The following PGPEP1 variants were observed in gnomAD, a reference collection of about 807,000 sequenced individuals.
PGPEP1 encodes the protein pyroglutamyl-peptidase I.
PGPEP1 carries 15 observed loss-of-function variants against 24.1 expected under a neutral mutation model. That is an observed-to-expected ratio of 0.62 (90% confidence interval 0.42 to 0.96). PGPEP1 has a LOEUF of 0.96. Ranked by LOEUF, PGPEP1 falls within the 40% of genes least tolerant of loss-of-function variation. The probability of loss-of-function intolerance (pLI) is 0.00; values close to 1 mark genes in which losing one functional copy is unlikely to be tolerated. For synonymous variants in PGPEP1, 122 were observed against 116.4 expected (o/e 1.05, Z -0.31); for missense variants, 242 against 273.4 (o/e 0.89, Z 0.81).
At position 18,352,266 on chromosome 19, in the gene PGPEP1, C is replaced by CAAAAAAAAA. The variant is rs60299417; in HGVS notation, c.88-3616_88-3608dup. Among the ~76,000 whole-genome samples the CAAAAAAAAA allele has an allele frequency of 0.028, 1,224 of 43,570 alleles. 219 individuals are homozygous for CAAAAAAAAA. The East Asian group carries it at 0.3, about 11-fold the overall frequency. The allele number at this position is 43,570 out of a possible 152,430, so 28.6% of individuals were successfully genotyped here. A position where few individuals can be genotyped will look rare whatever the true frequency, so the allele number is the denominator to read the frequency against. ...TGGGTGACAGAGCGAGACTCCGTCT[C>CAAAAAAAAA]AAAAAAAAAAAAAAAAAAAAATTAG... On this transcript the variant is annotated intron_variant, in intron 2 of 4. Coordinates refer to ENST00000269919, the MANE Select transcript of PGPEP1 (RefSeq NM_017712.4).
In PGPEP1 at chr19:18,364,086, TTCTTTCTTTCTTTCTTTCTTTCTTTCTTG is replaced by T. The variant is rs1971439198; in HGVS notation, c.*504_*532del. ...CTGGGATATGGCTGGCTGGCTGGCTTTCTTTCTTTCTTTCTTTCTTTCTTTCTTGCTTTCTTTCTTTCTTGCTTTCTTTC... is the reference window on the plus strand; with the variant it reads ...CTGGGATATGGCTGGCTGGCTGGCTTCTTTCTTTCTTTCTTGCTTTCTTTC... On this transcript the variant is annotated 3_prime_UTR_variant, in exon 5 of 5. Transcript: ENST00000269919. 9.2e-6 allele frequency: 1 copy of T among 108,220 alleles called. No individual in the cohort carries two copies. The highest frequency in any genetic ancestry group is 4.2e-5 in the African/African-American group (1 of 23,536). 6.7% of individuals were successfully genotyped at this position (108,220 alleles called of 1,614,324 possible).
In PGPEP1 at chr19:18,366,348, CGTGT is replaced by C. The variant is rs910016475; in HGVS notation, c.*2774_*2777del. The stretch of plus-strand genomic sequence containing the variant: ...ATAACCTATTGTCTGCTCATTGTCA[CGTGT>C]GTGTGTGTCATCTTTGTATTCTTGC... On this transcript the variant is annotated 3_prime_UTR_variant, in exon 5 of 5. Transcript: ENST00000269919. The C allele has an allele frequency of 1.3e-5, 2 of 152,166 alleles. No homozygotes were observed. Among genetic ancestry groups the C allele is most frequent in the African/African-American group, 2.4e-5 (1 of 41,418 alleles). 9.4% of individuals were successfully genotyped at this position (152,166 alleles called of 1,614,324 possible). A position where few individuals can be genotyped will look rare whatever the true frequency, so the allele number is the denominator to read the frequency against.
chr19:18,351,119 A>G (rs1436604873), intron 2 of PGPEP1, among the ~76,000 whole-genome samples: 1 of 151,714 alleles, frequency 6.6e-6, no homozygotes, highest in Admixed American at 6.6e-5. Context: ...TAAAAATACA[A>G]AAATAAGCGG....
intron 2 of PGPEP1, among the ~76,000 whole-genome samples, chr19:18,343,626 T>C (rs1293347970): frequency 6.6e-6 from 1 of 151,682 alleles, no homozygotes; most frequent in African/African-American, 2.4e-5. Flanking sequence ...CAGCTGTTTA[T>C]GTGGTGCTGG....
chr19:18,363,033 T>TTTTGTGTGTGTG (rs375117395), intron 4 of PGPEP1, among the ~76,000 whole-genome samples: 111 of 136,786 alleles, frequency 8.1e-4, no homozygotes, highest in Non-Finnish European at 1.3e-3. Flanking sequence ...TTTTTTTTGT[T>TTTTGTGTGTGTG]TGTGTGTGTG....
At chr19:18,344,126 TGTGGG>T (rs1426218624) in intron 2 of PGPEP1, among the ~76,000 whole-genome samples, 3 of 149,884 alleles carry the variant, frequency 2.0e-5, no homozygotes, top group African/African-American at 7.3e-5. Flanking sequence ...GGCAGGAATA[TGTGGG>T]GTGGGGTGGC....
chr19:18,343,630 G>A (rs1038501169), intron 2 of PGPEP1, among the ~76,000 whole-genome samples: 1 of 151,628 alleles, frequency 6.6e-6, no homozygotes, highest in Admixed American at 6.6e-5. Context: ...TGTTTATGTG[G>A]TGCTGGCGTC....
intron 2 of PGPEP1, among the ~76,000 whole-genome samples, chr19:18,345,740 AAAAAAG>A (rs1338082906): frequency 1.3e-5 from 2 of 150,952 alleles, no homozygotes; most frequent in African/African-American, 4.9e-5. Flanking sequence ...AAAAAAAAAA[AAAAAAG>A]AAAAGAAATT....
At chr19:18,348,492 A>C (rs1225998216) in intron 2 of PGPEP1, among the ~76,000 whole-genome samples, 1 of 152,166 alleles carries the variant, frequency 6.6e-6, no homozygotes, top group African/African-American at 2.4e-5. Flanking sequence ...TTGATGGTGC[A>C]TGAGGCCGGG....
chr19:18,356,054 A>G, intron 3 of PGPEP1, 43 bp downstream of exon 3: 1 of 1,224,810 alleles, frequency 8.2e-7, no homozygotes, highest in Non-Finnish European at 1.2e-6. Context: ...CAGGACTTAC[A>G]GGTTGGCACC....
rs1448186903 is a variant in PGPEP1, at chr19:18,357,490, C to T, written c.312C>T (p.Gly104=). The change falls in exon 4 of 5, where the codon GGC becomes GGT. Residue 104 remains glycine (G), a synonymous_variant. Coordinates refer to ENST00000269919, the MANE Select transcript of PGPEP1 (RefSeq NM_017712.4). The stretch of plus-strand genomic sequence containing the variant: ...TGGACAACTGCCGCTTTTGCCCCGG[C>T]TCCCAGTGCTGCGTGGAGGACGGGC... ...KGLDNCRFCP[G]SQCCVEDGPE... is the part of the protein sequence containing the mutation. 2 of 1,613,702 alleles carry T rather than the reference C, an allele frequency of 1.2e-6. No individual in the cohort carries two copies. The highest frequency in any genetic ancestry group is 3.3e-5 in the Admixed American group (2 of 59,926).
chr19:18,345,919 C>T (rs1970828724), intron 2 of PGPEP1, among the ~76,000 whole-genome samples: 1 of 151,106 alleles, frequency 6.6e-6, no homozygotes. Context: ...ACCCAGGAGG[C>T]AGAGGTTGCA....
At chr19:18,340,790 G>A in intron 1 of PGPEP1, 75 bp downstream of exon 1, 5 of 1,117,560 alleles carry the variant, frequency 4.5e-6, no homozygotes, top group Non-Finnish European at 5.9e-6. Context: ...CTGCGGGGCC[G>A]AGAGGGGCAG....
At chr19:18,351,375 A>C (rs1971017788) in intron 2 of PGPEP1, among the ~76,000 whole-genome samples, 1 of 152,176 alleles carries the variant, frequency 6.6e-6, no homozygotes, top group Non-Finnish European at 1.5e-5. Flanking sequence ...CTGTAATCCC[A>C]GCACTTTGGG....
intron 4 of PGPEP1, among the ~76,000 whole-genome samples, chr19:18,358,709 G>C (rs896115685): frequency 6.6e-6 from 1 of 151,974 alleles, no homozygotes; most frequent in African/African-American, 2.4e-5. Context: ...TCCGCCTCCT[G>C]GCTCAAACAA....
rs1316720278 is a variant in PGPEP1, at chr19:18,363,520, T to G, written c.567T>G (p.Ile189Met). 2.5e-6 allele frequency: 4 copies of G among 1,614,160 alleles called. No homozygotes were observed. The highest frequency in any genetic ancestry group is 3.4e-6 in the Non-Finnish European group (4 of 1,180,018). Residue 189 changes from isoleucine (I) to methionine (M), a missense_variant, in exon 5 of 5, where the codon ATT becomes ATG. By Grantham distance (10) the Ile-to-Met change is conservative. Transcript: ENST00000269919. ...DQLGRALRAI[I>M]EEMLDLLEQS... ...TGGGCAGGGCACTGAGAGCCATCAT[T>G]GAGGAGATGTTGGACCTCCTGGAGC... is the stretch of plus-strand genomic sequence containing the variant.
At chr19:18,352,229 G>A (rs1269804469) in intron 2 of PGPEP1, among the ~76,000 whole-genome samples, 2 of 138,606 alleles carry the variant, frequency 1.4e-5, no homozygotes, top group African/African-American at 5.4e-5. Flanking sequence ...CCAAGATTGC[G>A]GCACGCCAGC....
At chr19:18,342,978 C>A in intron 2 of PGPEP1, 67 bp downstream of exon 2, 2 of 1,161,024 alleles carry the variant, frequency 1.7e-6, no homozygotes, top group Non-Finnish European at 2.6e-6. Context: ...TTATGGCATC[C>A]AAGAAGGTCC....
chr19:18,347,635 C>CTTTT (rs1286507690), intron 2 of PGPEP1, among the ~76,000 whole-genome samples: 1 of 135,998 alleles, frequency 7.4e-6, no homozygotes, highest in African/African-American at 2.8e-5. Flanking sequence ...TCTGTCTCTC[C>CTTTT]TTTTTTTTTT....
Sources: gnomAD v4.1 joint callset for allele counts (sites outside exome capture counted in the v4.1 genomes callset) on GRCh38, gnomAD v4.1.1 for gene constraint, MANE v1.5 for transcripts, NCBI Gene and HGNC (gene_info 2026-07-23, HGNC 2026-07-21) for gene names.